SYT16: variants seen among roughly 807,000 people sequenced by gnomAD.
SYT16 encodes synaptotagmin 16.
Under a neutral mutation model 61.4 loss-of-function variants are expected in SYT16, and 42 were observed. That is an observed-to-expected ratio of 0.68 (90% CI 0.53 to 0.89). The LOEUF is 0.89. Ranked by LOEUF, SYT16 falls within the 40% of genes least tolerant of loss-of-function variation. The probability of loss-of-function intolerance (pLI) is 0.00; values close to 1 mark genes in which losing one functional copy is unlikely to be tolerated. For missense variants in SYT16, 804 were observed against 807.3 expected, an observed-to-expected ratio of 1.00 and a Z score of 0.05; for synonymous variants, 314 against 302.3, an observed-to-expected ratio of 1.04 and a Z score of -0.40.
chr14:61,907,802 G>T (rs1234804756), intron 1 of SYT16, among the ~76,000 whole-genome samples: 4 of 152,162 alleles, frequency 2.6e-5, no homozygotes, highest in Non-Finnish European at 5.9e-5. Context: ...GCCCCAGGGG[G>T]GTGCATCCTA....
intron 1 of SYT16, among the ~76,000 whole-genome samples, chr14:61,912,660 T>A (rs954308662): frequency 6.6e-6 from 1 of 152,210 alleles, no homozygotes; most frequent in Non-Finnish European, 1.5e-5. Context: ...GTATATTGAC[T>A]CAGGAAGTAG....
chr14:62,069,612 T>C lies in SYT16; in HGVS notation c.533T>C (p.Phe178Ser). Reference protein sequence around the residue: ...TVNGKKQVNSFGDDEELSTSS... With the variant: ...TVNGKKQVNSSGDDEELSTSS... ...TCTTGTTTACTCCCAGTCAACAGCT[T>C]TGGGGATGACGAAGAGCTGTCCACA... Residue 178 changes from phenylalanine to serine, a missense_variant, in exon 4 of 8, where the codon TTT becomes TCT. Coordinates refer to ENST00000683842, the MANE Select transcript of SYT16 (RefSeq NM_001367656.1). The C allele has an allele frequency of 2.5e-6, 4 of 1,613,802 alleles. No homozygotes were observed. The highest frequency in any genetic ancestry group is 3.4e-6 in the Non-Finnish European group (4 of 1,179,800).
At chr14:62,068,365 AAAAACAAAACAAAAC>A (rs57308262) in intron 3 of SYT16, among the ~76,000 whole-genome samples, 11,100 of 150,412 alleles carry the variant, frequency 0.074, 503 homozygotes, top group East Asian at 0.1. Context: ...TGGAATCTAA[AAAAACAAAACAAAAC>A]AAAACAAAAC....
chr14:62,026,634 T>C (rs548838731), intron 3 of SYT16, among the ~76,000 whole-genome samples: 1 of 152,298 alleles, frequency 6.6e-6, no homozygotes, highest in Admixed American at 6.5e-5. Context: ...TAGCCCCCAT[T>C]TTCTTTTCTC....
intron 1 of SYT16, among the ~76,000 whole-genome samples, chr14:61,967,630 G>T (rs924093652): frequency 3.3e-5 from 5 of 151,992 alleles, no homozygotes; most frequent in Admixed American, 3.3e-4. Context: ...TTTTTTTGCT[G>T]TCTCATAAGG....
intron 1 of SYT16, among the ~76,000 whole-genome samples, chr14:61,885,933 G>A (rs1465970080): frequency 1.3e-5 from 2 of 151,742 alleles, no homozygotes; most frequent in African/African-American, 4.8e-5. Flanking sequence ...GATCAGGGTG[G>A]TGGTTATTGA....
At chr14:61,943,818 G>A (rs1273935859) in intron 1 of SYT16, among the ~76,000 whole-genome samples, 4 of 152,094 alleles carry the variant, frequency 2.6e-5, no homozygotes, top group African/African-American at 7.3e-5. Context: ...TTTGAAAACC[G>A]GCACAAGACA....
intron 3 of SYT16, among the ~76,000 whole-genome samples, chr14:62,046,788 G>A (rs536795511): frequency 6.6e-6 from 1 of 152,152 alleles, no homozygotes; most frequent in South Asian, 2.1e-4. Context: ...ATGTCTGAGG[G>A]CTCTGTTCTG....
intron 3 of SYT16, among the ~76,000 whole-genome samples, chr14:62,067,227 C>G (rs1183653731): frequency 2.0e-5 from 3 of 152,104 alleles, no homozygotes; most frequent in Non-Finnish European, 2.9e-5. Context: ...GTGGAGAAGG[C>G]ATTGTTTTAC....
rs538277536 is a variant in SYT16 at position 61,833,696 on chromosome 14, C to G, written c.-325+20886C>G. On this transcript the variant is annotated intron_variant, in intron 1 of 7. Coordinates refer to ENST00000683842, the MANE Select transcript of SYT16 (RefSeq NM_001367656.1). ...GGATTACAGACATTAGCCACTGCGC[C>G]CAGCAGTGGCTTTTTTTTTTTTTTT... Among the ~76,000 whole-genome samples the G allele has an allele frequency of 1.7e-4, 24 of 142,696 alleles. No individual in the cohort carries two copies. The South Asian group carries it at 5.1e-3, about 30-fold the overall frequency. The allele number at this position is 142,696 out of a possible 152,430, so 93.6% of individuals were successfully genotyped here. A position where few individuals can be genotyped will look rare whatever the true frequency, so the allele number is the denominator to read the frequency against.
At chr14:62,078,529 G>A (rs1566827181) in intron 5 of SYT16, among the ~76,000 whole-genome samples, 1 of 152,152 alleles carries the variant, frequency 6.6e-6, no homozygotes, top group Non-Finnish European at 1.5e-5. Flanking sequence ...CAGAGCCTAC[G>A]TAAAGGCTTT....
intron 1 of SYT16, among the ~76,000 whole-genome samples, chr14:61,969,643 A>G (rs2051462112): frequency 6.6e-6 from 1 of 152,226 alleles, no homozygotes; most frequent in Non-Finnish European, 1.5e-5. Flanking sequence ...AAATGTATCC[A>G]GGAAATGACT....
chr14:62,106,360 G>A lies in SYT16; in HGVS notation c.*5653G>A, dbSNP rs2057513242. On this transcript the variant is annotated 3_prime_UTR_variant, in exon 8 of 8. Coordinates refer to ENST00000683842, the MANE Select transcript of SYT16 (RefSeq NM_001367656.1). ...ATTGGCTGAATTTATTGGGGCAAGTGTCTAGGAAGCCTTGGACTGGCAGTG... is the reference window on the plus strand; with the variant it reads ...ATTGGCTGAATTTATTGGGGCAAGTATCTAGGAAGCCTTGGACTGGCAGTG... 6.6e-6 allele frequency: 1 copy of A among 152,174 alleles called. No homozygotes were observed. The highest frequency in any genetic ancestry group is 6.5e-5 in the Admixed American group (1 of 15,280). 9.4% of individuals were successfully genotyped at this position (152,174 alleles called of 1,614,324 possible).
intron 1 of SYT16, among the ~76,000 whole-genome samples, chr14:61,949,013 C>T (rs190106965): frequency 6.6e-6 from 1 of 152,242 alleles, no homozygotes; most frequent in African/African-American, 2.4e-5. Flanking sequence ...AGTCATCTAC[C>T]TAGTAGATGG....
At chr14:61,903,265 T>C (rs925995741) in intron 1 of SYT16, among the ~76,000 whole-genome samples, 2 of 135,674 alleles carry the variant, frequency 1.5e-5, no homozygotes. Flanking sequence ...TCATTATGTC[T>C]TTTTTTTTTT....
At chr14:62,010,482 T>G (rs191298085) in intron 3 of SYT16, among the ~76,000 whole-genome samples, 15 of 152,266 alleles carry the variant, frequency 9.9e-5, no homozygotes, top group African/African-American at 3.1e-4. Context: ...TAACTGGTCA[T>G]GCCCTGGGGT....
At chr14:61,903,957 G>C (rs2048611462) in intron 1 of SYT16, among the ~76,000 whole-genome samples, 1 of 152,210 alleles carries the variant, frequency 6.6e-6, no homozygotes, top group Admixed American at 6.5e-5. Context: ...AGTCCTTCGA[G>C]GGTATCAATA....
At chr14:61,848,648 C>T (rs534466715) in intron 1 of SYT16, among the ~76,000 whole-genome samples, 123 of 152,256 alleles carry the variant, frequency 8.1e-4, no homozygotes, top group African/African-American at 2.8e-3. Context: ...AAACTTGTGT[C>T]CTTCTCTTCA....
chr14:61,881,793 A>G (rs1054942383), intron 1 of SYT16, among the ~76,000 whole-genome samples: 1 of 152,104 alleles, frequency 6.6e-6, no homozygotes, highest in African/African-American at 2.4e-5. Flanking sequence ...CTCAACTTCA[A>G]CATGTCCAAA....
Sources: allele counts gnomAD v4.1 joint callset (sites outside exome capture counted in the v4.1 genomes callset), GRCh38; gene constraint gnomAD v4.1.1; transcripts MANE v1.5; gene names NCBI Gene and HGNC (gene_info 2026-07-23, HGNC 2026-07-21).